Variants in INPP5A observed in about 807,000 individuals in gnomAD.
The protein encoded by INPP5A is inositol polyphosphate-5-phosphatase A, also known as 43 kDa inositol polyphosphate 5-phophatase.
In INPP5A, 14 loss-of-function variants were observed where a neutral mutation model predicts 65.2. That is an observed-to-expected ratio of 0.21 (90% CI 0.14 to 0.34). The LOEUF is 0.34. INPP5A is among the 10% of genes least tolerant of loss of function. The pLI is 1.00. For missense variants in INPP5A, 431 were observed against 545.6 expected, an observed-to-expected ratio of 0.79 and a Z score of 2.09; for synonymous variants, 207 against 208.3, an observed-to-expected ratio of 0.99 and a Z score of 0.05.
At chr10:132,598,228 C>A (rs551692268) in intron 1 of INPP5A, among the ~76,000 whole-genome samples, 1 of 152,162 alleles carries the variant, frequency 6.6e-6, no homozygotes, top group Non-Finnish European at 1.5e-5. Flanking sequence ...ATTACCTCCA[C>A]CTTTTTAATG....
chr10:132,721,750 G>A (rs903947666), intron 8 of INPP5A, among the ~76,000 whole-genome samples: 1 of 151,840 alleles, frequency 6.6e-6, no homozygotes, highest in South Asian at 2.1e-4. Flanking sequence ...GGGTTCTGTG[G>A]TGCCTGGGTT....
intron 1 of INPP5A, among the ~76,000 whole-genome samples, chr10:132,595,737 T>G (rs1415383649): frequency 6.6e-6 from 1 of 152,236 alleles, no homozygotes; most frequent in Non-Finnish European, 1.5e-5. Flanking sequence ...TTTATTGAGG[T>G]GCCTTCTGTA....
At chr10:132,626,487 T>C (rs1459914502) in intron 2 of INPP5A, among the ~76,000 whole-genome samples, 2 of 152,216 alleles carry the variant, frequency 1.3e-5, no homozygotes, top group Non-Finnish European at 2.9e-5. Flanking sequence ...CTCTCACAGT[T>C]GGTGCTGTCC....
chr10:132,721,848 G>T (rs894214015), intron 8 of INPP5A, among the ~76,000 whole-genome samples: 18 of 152,102 alleles, frequency 1.2e-4, no homozygotes, highest in Admixed American at 3.9e-4. Context: ...TCTTGCCTGC[G>T]TCTGTGGTGC....
At chr10:132,696,563 C>T (rs1210668591) in intron 5 of INPP5A, among the ~76,000 whole-genome samples, 2 of 152,222 alleles carry the variant, frequency 1.3e-5, no homozygotes, top group African/African-American at 4.8e-5. Context: ...TGAAAGAAGC[C>T]AACCTGAAAA....
At position 132,616,343 on chromosome 10, in the gene INPP5A, G is replaced by T. The variant is rs370009002; in HGVS notation, c.117+8387G>T. 1.3e-5 allele frequency among the ~76,000 whole-genome samples: 2 copies of T among 152,262 alleles called. No individual in the cohort carries two copies. Among genetic ancestry groups the T allele is most frequent in the Admixed American group, 6.5e-5 (1 of 15,304 alleles). ...TGTGGCGTGCAGGGACGCCGTGGGC[G>T]TGGTGTGGGGCACGTGGCGTGCGGG... On this transcript the variant is annotated intron_variant, in intron 2 of 15. Coordinates refer to ENST00000368594, the MANE Select transcript of INPP5A (RefSeq NM_005539.5). This position sits in a 1 kb window ranked among gnomAD's most constrained non-coding sequence, Gnocchi z 4.9.
At position 132,596,879 on chromosome 10, in the gene INPP5A, A is replaced by G. The variant is rs181402685; in HGVS notation, c.76-11036A>G. 2.8e-3 allele frequency among the ~76,000 whole-genome samples: 368 copies of G among 131,900 alleles called. 2 individuals are homozygous for G. Among genetic ancestry groups the G allele is most frequent in the South Asian group, 0.027 (108 of 4,050 alleles). 86.5% of individuals were successfully genotyped at this position (131,900 alleles called of 152,430 possible). ...TGTGCATGTGTGTGCATGTGTGTGC[A>G]TGCACGTGTGTTTGGAGGCTCCTGT... On this transcript the variant is annotated intron_variant, in intron 1 of 15. Coordinates refer to ENST00000368594, the MANE Select transcript of INPP5A (RefSeq NM_005539.5).
Position 132,550,174 on chromosome 10 carries a change from T to C in INPP5A, c.75+12003T>C, listed in dbSNP as rs1015246378. On this transcript the variant is annotated intron_variant, in intron 1 of 15. Transcript: ENST00000368594. This position sits in a 1 kb window ranked among gnomAD's most constrained non-coding sequence, Gnocchi z 4.2. The stretch of plus-strand genomic sequence containing the variant: ...GTAGAAGATGGGGTCAGTCTTGAGT[T>C]ATTAGTATTTATCGGGGAGAGCAGA... Among the ~76,000 whole-genome samples, 2 of 152,050 alleles carry C rather than the reference T, an allele frequency of 1.3e-5. No individual in the cohort carries two copies. Among genetic ancestry groups the C allele is most frequent in the Non-Finnish European group, 2.9e-5 (2 of 68,018 alleles).
chr10:132,541,838 G>C (rs192980941), intron 1 of INPP5A, among the ~76,000 whole-genome samples: 60 of 152,382 alleles, frequency 3.9e-4, no homozygotes, highest in African/African-American at 1.4e-3. Flanking sequence ...TCTCTGGCCA[G>C]GTGGCTGGGG....
At position 132,697,744 on chromosome 10, in the gene INPP5A, A is replaced by C. The variant is rs1845368211; in HGVS notation, c.371-72A>C. On this transcript the variant is annotated intron_variant, in intron 5 of 15. Coordinates refer to ENST00000368594, the MANE Select transcript of INPP5A (RefSeq NM_005539.5). This position sits in a 1 kb window ranked among gnomAD's most constrained non-coding sequence, Gnocchi z 5.6. Reference sequence around the variant, plus strand: ...CATCGGGCTGAAGTCGGGTGGAAACAGGTTGTGCTCCAGGCTGGTTGGATG... The same window carrying C: ...CATCGGGCTGAAGTCGGGTGGAAACCGGTTGTGCTCCAGGCTGGTTGGATG... The C allele has an allele frequency of 3.8e-6, 4 of 1,051,422 alleles. No homozygotes were observed. The South Asian group carries it at 5.3e-5, about 14-fold the overall frequency. 65.1% of individuals were successfully genotyped at this position (1,051,422 alleles called of 1,614,324 possible).
At chr10:132,560,176 G>C (rs2071184365) in intron 1 of INPP5A, among the ~76,000 whole-genome samples, 1 of 152,032 alleles carries the variant, frequency 6.6e-6, no homozygotes, top group South Asian at 2.1e-4. Flanking sequence ...CTTGGGTGTA[G>C]ACCTGCTTGT....
At chr10:132,740,050 T>C (rs575775076) in intron 9 of INPP5A, among the ~76,000 whole-genome samples, 49 of 152,318 alleles carry the variant, frequency 3.2e-4, no homozygotes, top group Non-Finnish European at 2.1e-4. Flanking sequence ...TGTGAAGCGA[T>C]TGGCTGGTTG....
intron 8 of INPP5A, among the ~76,000 whole-genome samples, chr10:132,723,564 G>T (rs1413389289): frequency 6.7e-6 from 1 of 148,520 alleles, no homozygotes; most frequent in Non-Finnish European, 1.5e-5. Flanking sequence ...GCCGTGTGGG[G>T]ATTGGCCATG....
intron 1 of INPP5A, among the ~76,000 whole-genome samples, chr10:132,580,007 T>G (rs1010743637): frequency 3.3e-5 from 5 of 151,526 alleles, no homozygotes; most frequent in Non-Finnish European, 7.4e-5. Flanking sequence ...CCCCGGGTTG[T>G]GGCCCACCTT....
At position 132,698,993 on chromosome 10, in the gene INPP5A, C is replaced by T. The variant is rs367775020; in HGVS notation, c.474+1074C>T. 7.4e-4 allele frequency among the ~76,000 whole-genome samples: 112 copies of T among 152,370 alleles called. No individual in the cohort carries two copies. Among genetic ancestry groups the T allele is most frequent in the African/African-American group, 2.6e-3 (107 of 41,592 alleles). ...TCATCCGTCTTCCCAAGGCCAAGGA[C>T]GCCGTGTCAGTGGGCCAGCCTCCTG... On this transcript the variant is annotated intron_variant, in intron 6 of 15. Coordinates refer to ENST00000368594, the MANE Select transcript of INPP5A (RefSeq NM_005539.5). The surrounding 1 kb of genome is among the most constrained non-coding windows in gnomAD (Gnocchi z 5.5).
At chr10:132,638,575 G>C (rs1260726655) in intron 2 of INPP5A, among the ~76,000 whole-genome samples, 3 of 152,126 alleles carry the variant, frequency 2.0e-5, no homozygotes, top group African/African-American at 7.2e-5. Flanking sequence ...TTATTTATTT[G>C]TTTATTTTTT....
At chr10:132,733,692 G>C (rs1176084055) in intron 9 of INPP5A, among the ~76,000 whole-genome samples, 1 of 152,230 alleles carries the variant, frequency 6.6e-6, no homozygotes, top group Non-Finnish European at 1.5e-5. Context: ...ACCGGCACCA[G>C]ATCAGGCTGT....
At chr10:132,643,597 C>T (rs1440648809) in intron 2 of INPP5A, among the ~76,000 whole-genome samples, 3 of 152,170 alleles carry the variant, frequency 2.0e-5, no homozygotes, top group African/African-American at 7.2e-5. Flanking sequence ...ATTCTGAGAC[C>T]TAGCAGGAAT....
chr10:132,653,783 T>C (rs1222889885), intron 4 of INPP5A, among the ~76,000 whole-genome samples: 4 of 152,170 alleles, frequency 2.6e-5, no homozygotes, highest in Non-Finnish European at 5.9e-5. Flanking sequence ...GATGCCAAAA[T>C]AGTCTGCACC....
Sources: allele counts gnomAD v4.1 joint callset (sites outside exome capture counted in the v4.1 genomes callset), GRCh38; gene constraint gnomAD v4.1.1; non-coding constraint Gnocchi (gnomAD v3.1); transcripts MANE v1.5; gene names NCBI Gene and HGNC (gene_info 2026-07-23, HGNC 2026-07-21).